CENPQ: variants seen among roughly 807,000 people sequenced by gnomAD.
The protein encoded by CENPQ is chromosome 6 open reading frame 139.
Under a neutral mutation model 36.6 loss-of-function variants are expected in CENPQ, and 27 were observed. That is an observed-to-expected ratio of 0.74 (90% confidence interval 0.54 to 1.02). CENPQ has a LOEUF of 1.02. CENPQ is among the 50% of genes least tolerant of loss of function. The pLI is 0.00. For synonymous variants in CENPQ, 101 were observed against 101.7 expected, an observed-to-expected ratio of 0.99 and a Z score of 0.04; for missense variants, 306 against 301.8, an observed-to-expected ratio of 1.01 and a Z score of -0.10.
intron 5 of CENPQ, among the ~76,000 whole-genome samples, chr6:49,473,336 T>A (rs1768190629): frequency 6.6e-6 from 1 of 152,200 alleles, no homozygotes; most frequent in Non-Finnish European, 1.5e-5. Flanking sequence ...TCTCAGGAGT[T>A]CTTAAAAGGC....
At chr6:49,485,931 AT>A (rs1768566757) in intron 6 of CENPQ, among the ~76,000 whole-genome samples, 1 of 152,178 alleles carries the variant, frequency 6.6e-6, no homozygotes, top group Non-Finnish European at 1.5e-5. Flanking sequence ...CCTTTTGTTC[AT>A]TCAATGCTGT....
chr6:49,476,893 T>C, intron 5 of CENPQ, among the ~76,000 whole-genome samples: 1 of 152,174 alleles, frequency 6.6e-6, no homozygotes, highest in Non-Finnish European at 1.5e-5. Flanking sequence ...CCAGTTAGAA[T>C]GGCGATCATT....
At chr6:49,469,288 T>A (rs151262727) in intron 1 of CENPQ, among the ~76,000 whole-genome samples, 1 of 152,228 alleles carries the variant, frequency 6.6e-6, no homozygotes, top group African/African-American at 2.4e-5. Context: ...ATAATTTATC[T>A]GTATATCTAG....
At chr6:49,474,925 C>G (rs1768242851) in intron 5 of CENPQ, among the ~76,000 whole-genome samples, 1 of 152,008 alleles carries the variant, frequency 6.6e-6, no homozygotes, top group South Asian at 2.1e-4. Flanking sequence ...GGATAAATTC[C>G]TGGACACATA....
intron 2 of CENPQ, among the ~76,000 whole-genome samples, chr6:49,470,594 C>G (rs1330338527): frequency 7.0e-6 from 1 of 143,348 alleles, no homozygotes; most frequent in Non-Finnish European, 1.5e-5. Context: ...TGCACTCCAG[C>G]CTGGGCAAAA....
At chr6:49,478,431 A>G (rs1371983526) in intron 5 of CENPQ, among the ~76,000 whole-genome samples, 1 of 152,074 alleles carries the variant, frequency 6.6e-6, no homozygotes, top group Non-Finnish European at 1.5e-5. Context: ...GCATCTCCCA[A>G]ATTGATATTT....
rs1442813084 is a variant in CENPQ, at chr6:49,490,484, A to AT, written c.676-1659dup. Among the ~76,000 whole-genome samples the AT allele has an allele frequency of 2.6e-5, 4 of 152,334 alleles. No homozygotes were observed. In the East Asian group the frequency reaches 7.7e-4, roughly 29 times the overall value. ...TCCATCCAGACCACTCAGACTTCCC[A>AT]TATCAACAATAAGGCTGTTTTGCTT... On this transcript the variant is annotated intron_variant, in intron 8 of 8. Transcript: ENST00000335783.
intron 5 of CENPQ, among the ~76,000 whole-genome samples, chr6:49,476,859 A>C (rs1294016013): frequency 6.6e-6 from 1 of 152,224 alleles, no homozygotes; most frequent in Admixed American, 6.5e-5. Context: ...GCAAATCAAA[A>C]CCACAATGAG....
chr6:49,465,787 A>C (rs1767987016), intron 1 of CENPQ, among the ~76,000 whole-genome samples: 1 of 152,204 alleles, frequency 6.6e-6, no homozygotes, highest in South Asian at 2.1e-4. Context: ...TGTTGTGGCT[A>C]GTTTGATCTT....
chr6:49,474,590 A>G (rs1288542280), intron 5 of CENPQ, among the ~76,000 whole-genome samples: 3 of 152,242 alleles, frequency 2.0e-5, no homozygotes, highest in Non-Finnish European at 4.4e-5. Flanking sequence ...CTAACATCAC[A>G]ATTAAAAGAA....
At chr6:49,483,730 A>C (rs542889613) in intron 6 of CENPQ, among the ~76,000 whole-genome samples, 1 of 152,178 alleles carries the variant, frequency 6.6e-6, no homozygotes, top group African/African-American at 2.4e-5. Context: ...TGCTAAACCC[A>C]CGCCCACCTG....
chr6:49,469,347 A>C (rs547599740), intron 1 of CENPQ, among the ~76,000 whole-genome samples: 3 of 152,334 alleles, frequency 2.0e-5, no homozygotes, highest in African/African-American at 7.2e-5. Flanking sequence ...TATATTTTCT[A>C]GGCATATATA....
rs534070006 is a variant in CENPQ at position 49,473,516 on chromosome 6, G to A, written c.347+658G>A. Among the ~76,000 whole-genome samples, 6 of 152,210 alleles carry A rather than the reference G, an allele frequency of 3.9e-5. No homozygotes were observed. The East Asian group carries it at 7.7e-4, about 20-fold the overall frequency. On this transcript the variant is annotated intron_variant, in intron 5 of 8. Coordinates refer to ENST00000335783, the MANE Select transcript of CENPQ (RefSeq NM_018132.4). ...GGCCTGCCCTAAAAGAGCTTCTGAAGGAAGCACTAAACATGGAAAGGAAAA... is the reference window on the plus strand; with the variant it reads ...GGCCTGCCCTAAAAGAGCTTCTGAAAGAAGCACTAAACATGGAAAGGAAAA...
rs545889234 is a variant in CENPQ at position 49,480,780 on chromosome 6, G to A, written c.348-171G>A. On this transcript the variant is annotated intron_variant, in intron 5 of 8. Transcript: ENST00000335783. The stretch of plus-strand genomic sequence containing the variant: ...ATCTTAATAAATTGAAAGGCTAAAT[G>A]ATGATTTGTCAGGGCTTTTAGAGGG... Among the ~76,000 whole-genome samples the A allele has an allele frequency of 2.6e-5, 4 of 152,240 alleles. No individual in the cohort carries two copies. In the East Asian group the frequency reaches 7.7e-4, roughly 29 times the overall value.
At chr6:49,481,547 A>G (rs1333179582) in intron 6 of CENPQ, among the ~76,000 whole-genome samples, 1 of 152,162 alleles carries the variant, frequency 6.6e-6, no homozygotes, top group Non-Finnish European at 1.5e-5. Flanking sequence ...GCGAAAGAAC[A>G]AAGCTTCCAC....
chr6:49,470,297 T>A lies in CENPQ; in HGVS notation c.102+19T>A. On this transcript the variant is annotated intron_variant, in intron 2 of 8. Coordinates refer to ENST00000335783, the MANE Select transcript of CENPQ (RefSeq NM_018132.4). ...GAATAAGGTAATGAAAATATCAAGT[T>A]TCTCATTTAGAAATCTTCAACTGTG... The A allele has an allele frequency of 6.7e-7, 1 of 1,485,134 alleles. No homozygotes were observed. Among genetic ancestry groups the A allele is most frequent in the Non-Finnish European group, 9.3e-7 (1 of 1,071,650 alleles). 92.0% of individuals were successfully genotyped at this position (1,485,134 alleles called of 1,614,324 possible).
chr6:49,481,233 T>C (rs1375850940), intron 6 of CENPQ, among the ~76,000 whole-genome samples, 153 bp downstream of exon 6: 2 of 152,186 alleles, frequency 1.3e-5, no homozygotes, highest in East Asian at 3.9e-4. Flanking sequence ...GTTGTTTTCA[T>C]TAAAGCAAAA....
intron 5 of CENPQ, among the ~76,000 whole-genome samples, chr6:49,479,818 C>T (rs944905954): frequency 1.3e-5 from 2 of 152,160 alleles, no homozygotes; most frequent in Non-Finnish European, 1.5e-5. Flanking sequence ...ATGTCCTTTG[C>T]AGCAACACGG....
intron 2 of CENPQ, among the ~76,000 whole-genome samples, 174 bp from the exon 3 acceptor site, chr6:49,470,800 C>T (rs950200198): frequency 1.3e-5 from 2 of 151,852 alleles, no homozygotes; most frequent in Non-Finnish European, 2.9e-5. Context: ...TTAGTATGTC[C>T]TCTCTGTGAT....
Sources: allele counts gnomAD v4.1 joint callset (sites outside exome capture counted in the v4.1 genomes callset), GRCh38; gene constraint gnomAD v4.1.1; transcripts MANE v1.5; gene names NCBI Gene and HGNC (gene_info 2026-07-23, HGNC 2026-07-21).